FER: variants seen among roughly 807,000 people sequenced by gnomAD.
The protein encoded by FER is FER tyrosine kinase.
FER carries 63 observed loss-of-function variants against 111.0 expected under a neutral mutation model. The observed-to-expected ratio is 0.57, with a 90% CI of 0.46 to 0.70. FER has a LOEUF of 0.70. Among genes scored for constraint, FER ranks in the 30% least tolerant of loss-of-function variants. FER has a pLI of 0.00. For missense variants in FER, 914 were observed against 954.0 expected (o/e 0.96, Z 0.55); for synonymous variants, 327 against 313.9 (o/e 1.04, Z -0.44).
intron 17 of FER, among the ~76,000 whole-genome samples, chr5:109,106,927 C>T (rs562673197): frequency 5.3e-4 from 80 of 152,214 alleles, no homozygotes; most frequent in African/African-American, 1.8e-3. Context: ...AGTAAAGGGT[C>T]AGAGGACAGT....
At chr5:108,894,443 C>G in intron 9 of FER, 2 of 468,078 alleles carry the variant, frequency 4.3e-6, no homozygotes, top group Non-Finnish European at 7.4e-6. Flanking sequence ...CCACTGAGCC[C>G]TGAATGAAGC....
intron 5 of FER, among the ~76,000 whole-genome samples, chr5:108,851,551 C>G (rs945852786): frequency 1.3e-5 from 2 of 151,460 alleles, no homozygotes; most frequent in African/African-American, 2.4e-5. Flanking sequence ...GTACTTTGTT[C>G]AAAGTAAAAA....
chr5:109,011,786 A>G (rs1215470488), intron 13 of FER, among the ~76,000 whole-genome samples: 1 of 151,850 alleles, frequency 6.6e-6, no homozygotes, highest in Non-Finnish European at 1.5e-5. Flanking sequence ...TTCCTCTTTT[A>G]TTTTTTCTTT....
chr5:108,934,382 T>G (rs1290071364), intron 10 of FER, among the ~76,000 whole-genome samples: 1 of 152,182 alleles, frequency 6.6e-6, no homozygotes, highest in Non-Finnish European at 1.5e-5. Flanking sequence ...GACCATTTCA[T>G]TATATGACAG....
intron 13 of FER, among the ~76,000 whole-genome samples, chr5:109,026,655 G>T (rs565567884): frequency 8.5e-5 from 13 of 152,222 alleles, no homozygotes; most frequent in African/African-American, 3.1e-4. Flanking sequence ...AAATCTCTGA[G>T]AATCATCTTA....
intron 2 of FER, among the ~76,000 whole-genome samples, chr5:108,794,450 C>T (rs1755758266): frequency 1.3e-5 from 2 of 151,970 alleles, no homozygotes; most frequent in South Asian, 4.2e-4. Flanking sequence ...AATTCCTGAC[C>T]TCAGGTGATC....
At chr5:108,981,097 A>G (rs1761970571) in intron 13 of FER, among the ~76,000 whole-genome samples, 2 of 152,126 alleles carry the variant, frequency 1.3e-5, no homozygotes, top group South Asian at 2.1e-4. Flanking sequence ...AAAATAAGGT[A>G]TGCTTGTATT....
At chr5:109,022,773 A>G (rs1768104062) in intron 13 of FER, among the ~76,000 whole-genome samples, 1 of 152,122 alleles carries the variant, frequency 6.6e-6, no homozygotes, top group Non-Finnish European at 1.5e-5. Flanking sequence ...TAGGGTAACT[A>G]TGTCATACAA....
At chr5:108,892,807 C>T (rs1219356530) in intron 9 of FER, among the ~76,000 whole-genome samples, 1 of 152,122 alleles carries the variant, frequency 6.6e-6, no homozygotes, top group Non-Finnish European at 1.5e-5. Context: ...TTAGGTCTAA[C>T]GTTTAAGTCT....
At chr5:109,178,239 C>T (rs1757915502) in intron 17 of FER, among the ~76,000 whole-genome samples, 1 of 152,158 alleles carries the variant, frequency 6.6e-6, no homozygotes, top group Non-Finnish European at 1.5e-5. Flanking sequence ...ATCCCATTTC[C>T]ACTCACTTGA....
intron 17 of FER, among the ~76,000 whole-genome samples, chr5:109,146,929 G>C (rs1239189275): frequency 1.3e-5 from 2 of 152,058 alleles, no homozygotes; most frequent in South Asian, 2.1e-4. Context: ...AGAAGATTTA[G>C]TAATATGATA....
At chr5:108,947,665 A>G (rs1340452075) in intron 11 of FER, among the ~76,000 whole-genome samples, 1 of 151,790 alleles carries the variant, frequency 6.6e-6, no homozygotes, top group African/African-American at 2.4e-5. Flanking sequence ...GTCCTTTAAC[A>G]CACCTAAGTT....
At chr5:108,775,689 T>C (rs1753412357) in intron 2 of FER, among the ~76,000 whole-genome samples, 1 of 152,180 alleles carries the variant, frequency 6.6e-6, no homozygotes, top group Non-Finnish European at 1.5e-5. Flanking sequence ...CATGTAACTT[T>C]TATATTAAAT....
intron 13 of FER, among the ~76,000 whole-genome samples, chr5:109,000,866 C>G (rs1243504555): frequency 6.6e-6 from 1 of 152,140 alleles, no homozygotes; most frequent in Non-Finnish European, 1.5e-5. Flanking sequence ...TCATAGAATA[C>G]TATAAACACC....
intron 16 of FER, among the ~76,000 whole-genome samples, chr5:109,075,472 C>G (rs369282675): frequency 6.7e-6 from 1 of 149,526 alleles, no homozygotes; most frequent in Non-Finnish European, 1.5e-5. Context: ...CTCTGTCACC[C>G]GGGCTGGAGG....
chr5:109,077,657 A>G (rs1176078220), intron 16 of FER, among the ~76,000 whole-genome samples: 1 of 152,192 alleles, frequency 6.6e-6, no homozygotes, highest in Non-Finnish European at 1.5e-5. Flanking sequence ...CCATCAGGGC[A>G]ATATTCCTTG....
chr5:108,928,309 C>T lies in FER; in HGVS notation c.1237-17821C>T, dbSNP rs556252604. Among the ~76,000 whole-genome samples the T allele has an allele frequency of 5.6e-4, 86 of 152,296 alleles. 1 individual carries two copies. The South Asian group carries it at 0.014, about 25-fold the overall frequency. On this transcript the variant is annotated intron_variant, in intron 10 of 19. Coordinates refer to ENST00000281092, the MANE Select transcript of FER (RefSeq NM_005246.4). ...ATTTTGAAGGCCTGGTACTTACCCT[C>T]CTGCCAGCTCCATACTTTCTGATGG...
At chr5:109,002,826 A>T (rs1224822652) in intron 13 of FER, among the ~76,000 whole-genome samples, 12 of 152,372 alleles carry the variant, frequency 7.9e-5, no homozygotes, top group Admixed American at 7.8e-4. Flanking sequence ...ACACTTCTCA[A>T]AAGAAGACAT....
chr5:109,163,092 C>T (rs1756164109), intron 17 of FER, among the ~76,000 whole-genome samples: 1 of 152,038 alleles, frequency 6.6e-6, no homozygotes. Context: ...GAGCTATGAT[C>T]TCTAATGTCT....
Sources: gnomAD v4.1 joint callset for allele counts (sites outside exome capture counted in the v4.1 genomes callset) on GRCh38, gnomAD v4.1.1 for gene constraint, MANE v1.5 for transcripts, NCBI Gene and HGNC (gene_info 2026-07-23, HGNC 2026-07-21) for gene names.